Variants in RTTN observed in about 807,000 individuals in gnomAD.
The protein encoded by RTTN is rotatin.
In RTTN, 182 loss-of-function variants were observed where a neutral mutation model predicts 269.2. That is an observed-to-expected ratio of 0.68 (90% CI 0.60 to 0.76). The LOEUF (loss-of-function observed/expected upper bound fraction) is 0.76. RTTN is among the 30% of genes least tolerant of loss of function. RTTN has a pLI of 0.00. For missense variants in RTTN, 2,545 were observed against 2,608.6 expected (o/e 0.98, Z 0.53); for synonymous variants, 1,006 against 963.5 (o/e 1.04, Z -0.82).
chr18:70,007,394 G>T (rs2056227875), intron 46 of RTTN: 1 of 152,314 alleles, frequency 6.6e-6, no homozygotes, highest in African/African-American at 2.4e-5. Context: ...TGCCTGGAAT[G>T]CCAGTGAGAC....
At chr18:70,178,051 T>C (rs1464677851) in intron 10 of RTTN, among the ~76,000 whole-genome samples, 1 of 152,060 alleles carries the variant, frequency 6.6e-6, no homozygotes, top group Non-Finnish European at 1.5e-5. Flanking sequence ...CACTGACCAA[T>C]AAATGCAGAA....
intron 25 of RTTN, among the ~76,000 whole-genome samples, chr18:70,125,242 G>A (rs985965906): frequency 6.6e-6 from 1 of 151,940 alleles, no homozygotes; most frequent in Non-Finnish European, 1.5e-5. Context: ...TTAGGGTGGT[G>A]TTCATTTCGG....
chr18:70,068,492 T>C (rs1240613007), intron 34 of RTTN, among the ~76,000 whole-genome samples: 1 of 152,206 alleles, frequency 6.6e-6, no homozygotes, highest in Non-Finnish European at 1.5e-5. Context: ...TGGCTGGCCT[T>C]GTTTGCGAGG....
At chr18:70,092,547 A>T in intron 29 of RTTN, 129 bp downstream of exon 29, 1 of 970,118 alleles carries the variant, frequency 1.0e-6, no homozygotes, top group Non-Finnish European at 1.5e-6. Context: ...AAAATCATTC[A>T]CGTTACCTAA....
intron 14 of RTTN, among the ~76,000 whole-genome samples, chr18:70,156,366 A>G (rs2060676033): frequency 6.6e-6 from 1 of 152,134 alleles, no homozygotes; most frequent in South Asian, 2.1e-4. Flanking sequence ...AGGAAGAGGA[A>G]ATTCCCATCT....
chr18:70,184,703 GTTTTTTTTT>G (rs374636456), intron 10 of RTTN, among the ~76,000 whole-genome samples: 1,987 of 26,364 alleles, frequency 0.075, 115 homozygotes, highest in African/African-American at 0.1. Flanking sequence ...ACCACAGCAG[GTTTTTTTTT>G]TTTTTGTGTG....
intron 7 of RTTN, among the ~76,000 whole-genome samples, chr18:70,193,660 T>C (rs2061735094): frequency 6.6e-6 from 1 of 152,198 alleles, no homozygotes; most frequent in Admixed American, 6.5e-5. Flanking sequence ...CTTGATTACA[T>C]GGGACCTTCT....
chr18:70,148,878 T>G (rs1353632820), intron 17 of RTTN, 23 bp downstream of exon 17: 1 of 1,611,498 alleles, frequency 6.2e-7, no homozygotes, highest in Non-Finnish European at 8.5e-7. Context: ...TCTTTGACGT[T>G]CACAAGATTA....
rs1399738338 is a variant in RTTN at position 70,017,525 on chromosome 18, A to C, written c.6303T>G (p.Cys2101Trp). 6.2e-7 allele frequency: 1 copy of C among 1,613,950 alleles called. No individual in the cohort carries two copies. The highest frequency in any genetic ancestry group is 1.7e-5 in the Admixed American group (1 of 59,998). Residue 2101 changes from cysteine (C) to tryptophan (W), a missense_variant, in exon 46 of 49, where the codon TGT (cysteine) becomes TGG (tryptophan). By Grantham distance (215) the Cys-to-Trp change is radical. Coordinates refer to ENST00000640769, the MANE Select transcript of RTTN (RefSeq NM_173630.4). The part of the protein sequence containing the change: ...GQQMILRLDG[C>W]LDLLTEMSKY... ...TGCTCATCTCTGTTAGTAAGTCTAG[A>C]CAGCCATCAAGCCTCAGAATCATTT...
intron 14 of RTTN, among the ~76,000 whole-genome samples, chr18:70,160,021 C>T (rs1018121413): frequency 6.6e-5 from 10 of 152,076 alleles, no homozygotes; most frequent in African/African-American, 1.9e-4. Flanking sequence ...AGAACTGTTA[C>T]CAATCCTACT....
Position 70,065,880 on chromosome 18 carries a change from G to A in RTTN, c.4696C>T (p.Gln1566Ter). Residue 1566 changes from glutamine (Q) to a stop codon, truncating the protein, a stop_gained, in exon 35 of 49, where the codon CAG (glutamine) becomes TAG (stop). Coordinates refer to ENST00000640769, the MANE Select transcript of RTTN (RefSeq NM_173630.4). LOFTEE classifies it high-confidence loss of function. ...GCTTCAGGTAGAAGTGTTGTTGACT[G>A]CACAAGTGGCTGAAATTCAGTACTC... is the stretch of plus-strand genomic sequence containing the variant. The part of the protein sequence containing the change: ...LGSTEFQPLV[Q>*]STTLLPEASH... The A allele has an allele frequency of 6.2e-7, 1 of 1,601,712 alleles. No homozygotes were observed. Among genetic ancestry groups the A allele is most frequent in the Non-Finnish European group, 8.5e-7 (1 of 1,172,908 alleles).
intron 40 of RTTN, among the ~76,000 whole-genome samples, chr18:70,046,745 C>T (rs1210009633): frequency 6.6e-6 from 1 of 152,160 alleles, no homozygotes; most frequent in Admixed American, 6.5e-5. Flanking sequence ...CGCTTCTCCC[C>T]TAGAGCTCTA....
chr18:70,187,743 C>T (rs115567575), intron 10 of RTTN, among the ~76,000 whole-genome samples: 65 of 152,138 alleles, frequency 4.3e-4, no homozygotes, highest in African/African-American at 1.5e-3. Context: ...TTGCTAGGAA[C>T]GAAGACTTTC....
chr18:70,199,346 T>C (rs1443631453), intron 5 of RTTN, 68 bp downstream of exon 5: 8 of 1,002,204 alleles, frequency 8.0e-6, no homozygotes, highest in Non-Finnish European at 6.2e-6. Flanking sequence ...TAAAACATAT[T>C]GTAATAACTA....
At position 70,199,446 on chromosome 18, in the gene RTTN, G is replaced by A; in HGVS notation, c.546C>T (p.Thr182=). The change falls in exon 5 of 49, where the codon ACC becomes ACT. Residue 182 remains threonine (T), a synonymous_variant. Coordinates refer to ENST00000640769, the MANE Select transcript of RTTN (RefSeq NM_173630.4). ...FSTFPWLPLT[T]TDRHVLSSNE... is the part of the protein sequence containing the mutation. ...TAGAGGAGAGGACATGTCTGTCTGT[G>A]GTGGTCAGGGGTAGCCAAGGAAATG... is the stretch of plus-strand genomic sequence containing the variant. 1.9e-6 allele frequency: 3 copies of A among 1,612,886 alleles called. No individual in the cohort carries two copies. The highest frequency in any genetic ancestry group is 2.5e-6 in the Non-Finnish European group (3 of 1,179,078).
chr18:70,144,502 A>G (rs1356414287), intron 18 of RTTN, among the ~76,000 whole-genome samples: 2 of 152,184 alleles, frequency 1.3e-5, no homozygotes, highest in Admixed American at 6.5e-5. Flanking sequence ...ATCAGGAAAA[A>G]GGGACAAGAA....
In RTTN at chr18:70,148,794, C is replaced by T; in HGVS notation, c.2309+107G>A. The T allele has an allele frequency of 2.2e-6, 3 of 1,337,578 alleles. No homozygotes were observed. The East Asian group carries it at 7.3e-5, about 33-fold the overall frequency. The allele number at this position is 1,337,578 out of a possible 1,614,324, so 82.9% of individuals were successfully genotyped here. On this transcript the variant is annotated intron_variant, in intron 17 of 48. Transcript: ENST00000640769. ...GGTTTCCTCTAGTAATGGAATAACA[C>T]CCTCCTTAAAAATTCTTTAGTTTTG...
intron 2 of RTTN, 99 bp downstream of exon 2, chr18:70,205,029 T>G (rs2062041064): frequency 7.9e-7 from 1 of 1,261,928 alleles, no homozygotes; most frequent in South Asian, 1.5e-5. Context: ...TAAAAAAACT[T>G]TTAACCCCAA....
At chr18:70,064,630 G>T (rs2058083988) in intron 35 of RTTN, among the ~76,000 whole-genome samples, 1 of 152,044 alleles carries the variant, frequency 6.6e-6, no homozygotes. Context: ...GTCCAAAACG[G>T]GCAAATCTAT....
Sources: allele counts gnomAD v4.1 joint callset (sites outside exome capture counted in the v4.1 genomes callset), GRCh38; gene constraint gnomAD v4.1.1; transcripts MANE v1.5; gene names NCBI Gene and HGNC (gene_info 2026-07-23, HGNC 2026-07-21).